The following ERCC1 variants were observed in gnomAD, a reference collection of about 807,000 sequenced individuals.
ERCC1 encodes ERCC excision repair 1, endonuclease non-catalytic subunit.
ERCC1 carries 36 observed loss-of-function variants against 37.6 expected under a neutral mutation model. The observed-to-expected ratio is 0.96, with a 90% CI of 0.73 to 1.26. The LOEUF is 1.26. Among genes scored for constraint, ERCC1 ranks in the 50% most tolerant of loss-of-function variants. The pLI, the probability that ERCC1 is intolerant of heterozygous loss-of-function variation, is 0.00. For missense variants in ERCC1, 349 were observed against 376.5 expected, an observed-to-expected ratio of 0.93 and a Z score of 0.60; for synonymous variants, 156 against 162.1, an observed-to-expected ratio of 0.96 and a Z score of 0.28.
intron 1 of ERCC1, among the ~76,000 whole-genome samples, chr19:45,438,331 C>T (rs1975035310): frequency 1.3e-5 from 2 of 152,140 alleles, no homozygotes; most frequent in Admixed American, 1.3e-4. Flanking sequence ...GCCTCCCAAA[C>T]TGCTGGATTT....
Position 45,407,361 on chromosome 19 carries a change from A to T in ERCC1, c.*2314T>A. 1.1e-6 allele frequency: 1 copy of T among 869,822 alleles called. No individual in the cohort carries two copies. The allele number at this position is 869,822 out of a possible 1,614,324, so 53.9% of individuals were successfully genotyped here. On this transcript the variant is annotated 3_prime_UTR_variant, in exon 10 of 10. Transcript: ENST00000300853. ...CAGTGAAAGAAACAAGTTTATTGGA[A>T]ACTACTCCTTTACAGAGTAGAGTGT...
At chr19:45,426,378 C>CAAAAAAA (rs71173164), upstream of ERCC1, among the ~76,000 whole-genome samples, 4 of 55,394 alleles carry the variant, frequency 7.2e-5, no homozygotes, top group Admixed American at 2.4e-4. Context: ...GACTCTGTCT[C>CAAAAAAA]AAAAAAAAAA....
Position 45,447,001 on chromosome 19 carries a change from AAAAAG to A in ERCC1, c.-7-23625_-7-23621del, listed in dbSNP as rs1483228973. On this transcript the variant is annotated intron_variant, in intron 1 of 8. Transcript: ENST00000423698. ...TGACAGGGTGAGACTCTGTCTAAAA[AAAAAG>A]AAAAGAAAAGAAAGTAGGAGCCAGA... Among the ~76,000 whole-genome samples, 13 of 152,232 alleles carry A rather than the reference AAAAAG, an allele frequency of 8.5e-5. 1 individual carries two copies. In the East Asian group the frequency reaches 2.5e-3, roughly 29 times the overall value.
At chr19:45,435,617 C>T (rs1023891776) in intron 1 of ERCC1, among the ~76,000 whole-genome samples, 1 of 152,106 alleles carries the variant, frequency 6.6e-6, no homozygotes, top group African/African-American at 2.4e-5. Context: ...TGTGCACCGC[C>T]AGAGCTGGCT....
chr19:45,428,846 AG>A (rs908440991), upstream of ERCC1: 2 of 150,212 alleles, frequency 1.3e-5, no homozygotes, highest in Non-Finnish European at 3.0e-5. Flanking sequence ...CCGGGGACGC[AG>A]GGGGGCCCGA....
chr19:45,418,281 G>C (rs978104839), intron 5 of ERCC1, among the ~76,000 whole-genome samples: 1 of 152,128 alleles, frequency 6.6e-6, no homozygotes, highest in African/African-American at 2.4e-5. Context: ...TCCAGGAGGT[G>C]GAGGTTGCAG....
chr19:45,413,703 AG>A lies in ERCC1; in HGVS notation c.816del (p.Leu273TyrfsTer22). The A allele has an allele frequency of 6.2e-7, 1 of 1,614,086 alleles. No homozygotes were observed. The highest frequency in any genetic ancestry group is 8.5e-7 in the Non-Finnish European group (1 of 1,180,032). On this transcript the variant is annotated frameshift_variant, in exon 9 of 10. Transcript: ENST00000300853. LOFTEE classifies it high-confidence loss of function. ...QLIAASREDLALCPGLGPQKA... is the reference protein window; with the variant it reads ...QLIAASREDLXLCPGLGPQKA... ...TTCTGAGGGCCCAGGCCTGGGCATA[AG>A]GCCAGATCTTCTCTTGATGCGGCGA... is the stretch of plus-strand genomic sequence containing the variant.
rs1316813107 is a variant in ERCC1 at position 45,423,306 on chromosome 19, C to T, written c.69G>A (p.Val23=). 6.2e-7 allele frequency: 1 copy of T among 1,613,902 alleles called. No homozygotes were observed. The highest frequency in any genetic ancestry group is 8.5e-7 in the Non-Finnish European group (1 of 1,179,964). The change falls in exon 2 of 10, where the codon GTG becomes GTA. Residue 23 remains valine (V), a synonymous_variant. Transcript: ENST00000300853. ...GGACCTCATCCTCGTCGAGGGGTAT[C>T]ACAAATTTCTTCCTTGCTGGCGGCC... is the stretch of plus-strand genomic sequence containing the variant. ...PSGPPARKKF[V]IPLDEDEVPP...
rs1973483977 is a variant in ERCC1, at chr19:45,408,473, C to A, written c.*1202G>T. On this transcript the variant is annotated 3_prime_UTR_variant, in exon 10 of 10. Transcript: ENST00000300853. The stretch of plus-strand genomic sequence containing the variant: ...GCCTAGGTCAGCCTTGGCCCCCAAC[C>A]TGCTCACCTCAGGGAAGAAGAAAAA... The A allele has an allele frequency of 6.2e-7, 1 of 1,613,988 alleles. No individual in the cohort carries two copies. The highest frequency in any genetic ancestry group is 8.5e-7 in the Non-Finnish European group (1 of 1,179,956).
At chr19:45,441,827 C>T (rs1162089131) in intron 1 of ERCC1, among the ~76,000 whole-genome samples, 3 of 151,638 alleles carry the variant, frequency 2.0e-5, no homozygotes, top group Non-Finnish European at 4.4e-5. Context: ...ACAGGCCAGG[C>T]GCATGCCACC....
At chr19:45,419,296 G>A in intron 4 of ERCC1, 99 bp from the exon 5 acceptor site, 2 of 854,760 alleles carry the variant, frequency 2.3e-6, no homozygotes, top group East Asian at 2.7e-5. Context: ...TCAGAGTACG[G>A]CATGGGGGAC....
intron 1 of ERCC1, among the ~76,000 whole-genome samples, chr19:45,446,055 AT>A (rs934545605): frequency 0.011 from 1,579 of 147,644 alleles, 33 homozygotes; most frequent in African/African-American, 0.037. Context: ...CGCCTGGCTA[AT>A]TTTTTTTTTG....
chr19:45,431,449 C>T (rs1974827464), intron 1 of ERCC1, among the ~76,000 whole-genome samples: 1 of 152,032 alleles, frequency 6.6e-6, no homozygotes, highest in South Asian at 2.1e-4. Flanking sequence ...GAGACTGAGG[C>T]GGTGGATCAC....
At chr19:45,427,143 A>T (rs1043453992), upstream of ERCC1, among the ~76,000 whole-genome samples, 1 of 151,942 alleles carries the variant, frequency 6.6e-6, no homozygotes, top group Admixed American at 6.6e-5. Context: ...AAACAAAACA[A>T]ACAAACAAAC....
chr19:45,415,720 AACC>A, intron 6 of ERCC1: 1 of 455,040 alleles, frequency 2.2e-6, no homozygotes, highest in South Asian at 1.6e-5. Flanking sequence ...ACCTGGTAGT[AACC>A]ACTGCTGGGC....
At chr19:45,433,173 T>C (rs1475463575) in intron 1 of ERCC1, among the ~76,000 whole-genome samples, 1 of 152,000 alleles carries the variant, frequency 6.6e-6, no homozygotes, top group Admixed American at 6.6e-5. Flanking sequence ...GCAGATCACT[T>C]GAGGTCAGGA....
chr19:45,439,385 A>T (rs999158932), intron 1 of ERCC1, among the ~76,000 whole-genome samples: 11 of 151,948 alleles, frequency 7.2e-5, no homozygotes, highest in African/African-American at 2.4e-4. Context: ...GGTCAGATTT[A>T]AAAAAATAAT....
intron 1 of ERCC1, among the ~76,000 whole-genome samples, chr19:45,435,860 A>C (rs905191108): frequency 6.6e-6 from 1 of 152,014 alleles, no homozygotes; most frequent in Non-Finnish European, 1.5e-5. Flanking sequence ...TCCCGGATTC[A>C]AGCGATTCTC....
Position 45,409,475 on chromosome 19 carries a change from A to AAGC in ERCC1, c.*197_*199dup, listed in dbSNP as rs763194578. 39 of 1,609,420 alleles carry AAGC rather than the reference A, an allele frequency of 2.4e-5. No individual in the cohort carries two copies. The highest frequency in any genetic ancestry group is 5.0e-5 in the Admixed American group (3 of 59,408). ...TCCCACAGGCCGGGACAAGAAGCGGAAGCAGCAGCAGCAGCAGCCTGTGTA... is the reference window on the plus strand; with the variant it reads ...TCCCACAGGCCGGGACAAGAAGCGGAAGCAGCAGCAGCAGCAGCAGCCTGTGTA... On this transcript the variant is annotated 3_prime_UTR_variant, in exon 10 of 10. Transcript: ENST00000300853.
Sources: gnomAD v4.1 joint callset for allele counts (sites outside exome capture counted in the v4.1 genomes callset) on GRCh38, gnomAD v4.1.1 for gene constraint, MANE v1.5 for transcripts, NCBI Gene and HGNC (gene_info 2026-07-23, HGNC 2026-07-21) for gene names.